Variants in CALN1 observed in about 807,000 individuals in gnomAD.
CALN1 encodes calcium-binding protein 8.
In CALN1, 17 loss-of-function variants were observed where a neutral mutation model predicts 30.6. The ratio of observed to expected loss-of-function variants is 0.56; its 90% confidence interval spans 0.38 to 0.83. The LOEUF (loss-of-function observed/expected upper bound fraction) is 0.83, where lower values mean the gene tolerates loss of function less well. CALN1 is among the 40% of genes least tolerant of loss of function. The pLI, the probability that CALN1 is intolerant of heterozygous loss-of-function variation, is 0.00. For synonymous variants in CALN1, 156 were observed against 131.4 expected (o/e 1.19, Z -1.28); for missense variants, 291 against 354.9 (o/e 0.82, Z 1.45).
chr7:71,980,816 C>T (rs1478334283), intron 5 of CALN1, among the ~76,000 whole-genome samples: 2 of 152,138 alleles, frequency 1.3e-5, no homozygotes, highest in African/African-American at 2.4e-5. Flanking sequence ...TAGCGGGGTG[C>T]TCCTCCCCTC....
Position 71,787,768 on chromosome 7 carries a change from G to A in CALN1, c.*7C>T, listed in dbSNP as rs777793983. On this transcript the variant is annotated 3_prime_UTR_variant, in exon 7 of 7. Transcript: ENST00000395275. ...AGCTGCAACACAGTGTGGCTGGCGG[G>A]AGGCTGCTACTCCATGCCGCTCCGG... 6.2e-7 allele frequency: 1 copy of A among 1,613,552 alleles called. No homozygotes were observed. The highest frequency in any genetic ancestry group is 1.7e-5 in the Admixed American group (1 of 60,016).
chr7:72,411,119 CTATT>C (rs1382907695), intron 1 of CALN1, among the ~76,000 whole-genome samples: 5 of 151,510 alleles, frequency 3.3e-5, no homozygotes, highest in Admixed American at 2.6e-4. Flanking sequence ...TGAGCAGAGC[CTATT>C]TATAAGAGCA....
At chr7:72,246,431 G>T (rs1795160804) in intron 3 of CALN1, among the ~76,000 whole-genome samples, 2 of 152,220 alleles carry the variant, frequency 1.3e-5, no homozygotes, top group East Asian at 3.9e-4. Flanking sequence ...TTGGAGAGTG[G>T]TGTCCTCCCT....
intron 5 of CALN1, among the ~76,000 whole-genome samples, chr7:71,943,873 G>C (rs1433395258): frequency 6.6e-6 from 1 of 152,142 alleles, no homozygotes; most frequent in Non-Finnish European, 1.5e-5. Flanking sequence ...TCTATGTATA[G>C]GCAGGATGAA....
rs140672013 is a variant in CALN1 at position 72,192,625 on chromosome 7, T to TTTA, written c.244+86058_244+86060dup. 2.9e-3 allele frequency among the ~76,000 whole-genome samples: 416 copies of TTTA among 143,806 alleles called. 4 individuals are homozygous for TTTA. Among genetic ancestry groups the TTTA allele is most frequent in the African/African-American group, 9.3e-3 (368 of 39,374 alleles). The allele number at this position is 143,806 out of a possible 152,430, so 94.3% of individuals were successfully genotyped here. On this transcript the variant is annotated intron_variant, in intron 3 of 6. Coordinates refer to ENST00000395275, the MANE Select transcript of CALN1 (RefSeq NM_031468.4). ...GGCAACATTGGGAGATCCCATTTCT[T>TTTA]TTATTATTATTATTATTATTATTAT...
chr7:72,154,894 A>ATT (rs55768005), intron 3 of CALN1, among the ~76,000 whole-genome samples: 22 of 148,864 alleles, frequency 1.5e-4, no homozygotes, highest in Admixed American at 2.0e-4. Context: ...TGTCTCTACA[A>ATT]TTTTTTTTTT....
At chr7:72,322,977 A>C in intron 2 of CALN1, among the ~76,000 whole-genome samples, 1 of 136,256 alleles carries the variant, frequency 7.3e-6, no homozygotes, top group East Asian at 2.5e-4. Context: ...TCCTGGGTGG[A>C]GTGGGAACAG....
chr7:72,302,641 C>A lies in CALN1; in HGVS notation c.120-23831G>T, dbSNP rs369438293. On this transcript the variant is annotated intron_variant, in intron 2 of 6. Coordinates refer to ENST00000395275, the MANE Select transcript of CALN1 (RefSeq NM_031468.4). ...GAGCGCAGTGGCTCACACCTGTAATCCCAGCACTTTGGGAGGCCAAGGCAC... is the reference window on the plus strand; with the variant it reads ...GAGCGCAGTGGCTCACACCTGTAATACCAGCACTTTGGGAGGCCAAGGCAC... Among the ~76,000 whole-genome samples, 178 of 152,164 alleles carry A rather than the reference C, an allele frequency of 1.2e-3. 1 individual carries two copies. Among genetic ancestry groups the A allele is most frequent in the African/African-American group, 4.1e-3 (170 of 41,522 alleles).
intron 2 of CALN1, among the ~76,000 whole-genome samples, chr7:72,397,803 A>C (rs1806080880): frequency 6.6e-6 from 1 of 150,750 alleles, no homozygotes; most frequent in African/African-American, 2.5e-5. Context: ...CTTAGGACTT[A>C]CTTTAGAAAA....
intron 3 of CALN1, among the ~76,000 whole-genome samples, chr7:72,207,736 C>A (rs532031606): frequency 1.3e-5 from 2 of 152,154 alleles, no homozygotes; most frequent in Non-Finnish European, 2.9e-5. Context: ...AACAGACACA[C>A]AATGCATGTT....
At chr7:72,127,256 T>A (rs543923012) in intron 3 of CALN1, among the ~76,000 whole-genome samples, 2 of 151,784 alleles carry the variant, frequency 1.3e-5, no homozygotes. Context: ...AATCCCTAGG[T>A]AGATGTATGC....
intron 4 of CALN1, among the ~76,000 whole-genome samples, chr7:72,097,416 A>T (rs1245644504): frequency 6.6e-6 from 1 of 152,208 alleles, no homozygotes; most frequent in Non-Finnish European, 1.5e-5. Context: ...GAGATCACCC[A>T]AACAGCTGCT....
intron 4 of CALN1, among the ~76,000 whole-genome samples, chr7:72,094,129 AGGTCT>A (rs1197799242): frequency 6.6e-6 from 1 of 152,242 alleles, no homozygotes; most frequent in Non-Finnish European, 1.5e-5. Flanking sequence ...GAAACATTCT[AGGTCT>A]GATGTGAATG....
intron 2 of CALN1, among the ~76,000 whole-genome samples, chr7:72,280,240 A>T (rs1223764908): frequency 6.6e-6 from 1 of 152,188 alleles, no homozygotes; most frequent in Admixed American, 6.5e-5. Context: ...CAACTGGGAC[A>T]ACTCTCCCAA....
chr7:72,010,593 C>T (rs531398988), intron 5 of CALN1, among the ~76,000 whole-genome samples: 15 of 149,532 alleles, frequency 1.0e-4, no homozygotes, highest in African/African-American at 3.7e-4. Context: ...GGGCGAATCA[C>T]CTGCATTCAG....
intron 3 of CALN1, among the ~76,000 whole-genome samples, chr7:72,241,333 T>A (rs528560871): frequency 2.0e-5 from 3 of 152,186 alleles, no homozygotes; most frequent in Non-Finnish European, 4.4e-5. Context: ...TGTCTTTATT[T>A]TGTTCTGTTT....
At chr7:71,943,906 A>G (rs1796265327) in intron 5 of CALN1, among the ~76,000 whole-genome samples, 1 of 152,234 alleles carries the variant, frequency 6.6e-6, no homozygotes, top group Non-Finnish European at 1.5e-5. Context: ...GCATGGAGAT[A>G]AAGAAAAAAT....
chr7:72,170,106 C>T (rs1788832684), intron 3 of CALN1, among the ~76,000 whole-genome samples: 1 of 152,176 alleles, frequency 6.6e-6, no homozygotes, highest in Admixed American at 6.5e-5. Context: ...TCAAGCAATC[C>T]TCCCTCCCAA....
chr7:72,139,287 C>T (rs963792257), intron 3 of CALN1, among the ~76,000 whole-genome samples: 1 of 152,132 alleles, frequency 6.6e-6, no homozygotes, highest in African/African-American at 2.4e-5. Context: ...ATCTTCTAAG[C>T]ACCTCGGCCA....
Sources: gnomAD v4.1 joint callset for allele counts (sites outside exome capture counted in the v4.1 genomes callset) on GRCh38, gnomAD v4.1.1 for gene constraint, MANE v1.5 for transcripts, NCBI Gene and HGNC (gene_info 2026-07-23, HGNC 2026-07-21) for gene names.